Variants in SUGCT observed in about 807,000 individuals in gnomAD.
The protein encoded by SUGCT is succinyl-CoA:glutarate CoA-transferase.
SUGCT carries 41 observed loss-of-function variants against 55.0 expected under a neutral mutation model. The observed-to-expected ratio is 0.74, with a 90% CI of 0.58 to 0.97. The LOEUF (loss-of-function observed/expected upper bound fraction) is 0.97. Among genes scored for constraint, SUGCT ranks in the 50% least tolerant of loss-of-function variants. The probability of loss-of-function intolerance (pLI) is 0.00; values close to 1 mark genes in which losing one functional copy is unlikely to be tolerated. For synonymous variants in SUGCT, 187 were observed against 200.4 expected (o/e 0.93, Z 0.56); for missense variants, 568 against 547.8 (o/e 1.04, Z -0.37).
intron 12 of SUGCT, among the ~76,000 whole-genome samples, chr7:40,730,900 G>A (rs897140833): frequency 6.6e-6 from 1 of 152,146 alleles, no homozygotes; most frequent in South Asian, 2.1e-4. Flanking sequence ...GTATTCAATT[G>A]TATACACACA....
intron 1 of SUGCT, among the ~76,000 whole-genome samples, chr7:40,163,032 T>G (rs1784254444): frequency 6.6e-6 from 1 of 152,206 alleles, no homozygotes; most frequent in South Asian, 2.1e-4. Flanking sequence ...ATTTGAAATT[T>G]GTGGGCTCTA....
intron 12 of SUGCT, among the ~76,000 whole-genome samples, chr7:40,566,145 G>C (rs1796137226): frequency 6.6e-6 from 1 of 152,058 alleles, no homozygotes; most frequent in Admixed American, 6.6e-5. Context: ...TTAATCTTGA[G>C]TTCTTATCTT....
At chr7:40,962,262 T>C in the SUGCT span, among the ~76,000 whole-genome samples, 1 of 152,134 alleles carries the variant, frequency 6.6e-6, no homozygotes, top group East Asian at 1.9e-4. Context: ...GGTTGGTGCA[T>C]TTACAATCCT....
chr7:40,578,125 T>G (rs559408529), intron 12 of SUGCT, among the ~76,000 whole-genome samples: 1 of 152,146 alleles, frequency 6.6e-6, no homozygotes, highest in East Asian at 1.9e-4. Context: ...TAACACAGAT[T>G]GCGGGGCCTC....
At chr7:40,791,239 G>A (rs555333127) in intron 13 of SUGCT, among the ~76,000 whole-genome samples, 2 of 152,228 alleles carry the variant, frequency 1.3e-5, no homozygotes, top group East Asian at 1.9e-4. Flanking sequence ...TAAAATTAGT[G>A]TAACACAAAT....
intron 12 of SUGCT, among the ~76,000 whole-genome samples, chr7:40,699,681 C>T (rs1354081180): frequency 6.6e-6 from 1 of 152,022 alleles, no homozygotes; most frequent in Non-Finnish European, 1.5e-5. Flanking sequence ...CCAGCCTGGT[C>T]AATACGGTGA....
intron 1 of SUGCT, among the ~76,000 whole-genome samples, chr7:40,154,471 A>C (rs1417190834): frequency 6.6e-6 from 1 of 152,202 alleles, no homozygotes. Flanking sequence ...ATTTGGGTGT[A>C]GAACGTTTTA....
chr7:40,977,470 G>A, the SUGCT span, among the ~76,000 whole-genome samples: 1 of 152,142 alleles, frequency 6.6e-6, no homozygotes, highest in East Asian at 1.9e-4. Context: ...ACTTGTATGT[G>A]CTATCTCATT....
At chr7:40,614,232 A>T (rs1394051009) in intron 12 of SUGCT, among the ~76,000 whole-genome samples, 1 of 152,052 alleles carries the variant, frequency 6.6e-6, no homozygotes, top group African/African-American at 2.4e-5. Context: ...AAGAGGACAC[A>T]TTCTTGTGTG....
intron 12 of SUGCT, among the ~76,000 whole-genome samples, chr7:40,745,191 G>T (rs572425087): frequency 6.6e-6 from 1 of 152,006 alleles, no homozygotes; most frequent in Non-Finnish European, 1.5e-5. Flanking sequence ...ACCATTGATG[G>T]TATTACTTTG....
chr7:40,598,199 A>C (rs1038686916), intron 12 of SUGCT, among the ~76,000 whole-genome samples: 9 of 152,294 alleles, frequency 5.9e-5, no homozygotes, highest in African/African-American at 2.2e-4. Context: ...CTTAAAGCGC[A>C]GCAGTGTGAA....
chr7:40,913,266 C>T, the SUGCT span, among the ~76,000 whole-genome samples: 9 of 152,148 alleles, frequency 5.9e-5, no homozygotes, highest in Admixed American at 1.3e-4. Flanking sequence ...CAGTGGGGCT[C>T]AGGACATGGA....
intron 13 of SUGCT, among the ~76,000 whole-genome samples, chr7:40,838,709 T>C (rs1400639497): frequency 1.3e-5 from 2 of 152,196 alleles, no homozygotes; most frequent in African/African-American, 4.8e-5. Flanking sequence ...GACAATTTTA[T>C]TTCTTCCTTT....
the SUGCT span, among the ~76,000 whole-genome samples, chr7:41,013,971 G>A: frequency 6.6e-6 from 1 of 152,002 alleles, no homozygotes; most frequent in Non-Finnish European, 1.5e-5. Flanking sequence ...CACAAACCTG[G>A]GTTCACACAT....
At chr7:40,517,656 A>T (rs1389491889) in intron 12 of SUGCT, among the ~76,000 whole-genome samples, 1 of 152,038 alleles carries the variant, frequency 6.6e-6, no homozygotes, top group Non-Finnish European at 1.5e-5. Flanking sequence ...TGATGTTCTT[A>T]TTGAAATTTA....
intron 12 of SUGCT, among the ~76,000 whole-genome samples, chr7:40,726,193 G>A (rs1786603537): frequency 6.6e-6 from 1 of 152,006 alleles, no homozygotes; most frequent in African/African-American, 2.4e-5. Context: ...CCCAAATACT[G>A]TATTACTAGC....
rs182239165 is a variant in SUGCT, at chr7:40,860,714, G to A, written c.*235G>A. ...TTTTTTCAGATGATGATTTCATTATGGATTTGTGGGATTTTTAAAAATAAA... is the reference window on the plus strand; with the variant it reads ...TTTTTTCAGATGATGATTTCATTATAGATTTGTGGGATTTTTAAAAATAAA... On this transcript the variant is annotated 3_prime_UTR_variant, in exon 14 of 14. Transcript: ENST00000335693. 5.4e-6 allele frequency: 2 copies of A among 368,774 alleles called. No individual in the cohort carries two copies. The highest frequency in any genetic ancestry group is 2.1e-5 in the African/African-American group (1 of 47,948). The allele number at this position is 368,774 out of a possible 1,614,324, so 22.8% of individuals were successfully genotyped here.
At chr7:40,708,579 T>A (rs963782641) in intron 12 of SUGCT, among the ~76,000 whole-genome samples, 2 of 152,142 alleles carry the variant, frequency 1.3e-5, no homozygotes, top group Admixed American at 1.3e-4. Flanking sequence ...TTCTTGTGAA[T>A]ATGGGACCTG....
intron 13 of SUGCT, among the ~76,000 whole-genome samples, chr7:40,801,771 A>T (rs1167101515): frequency 6.6e-6 from 1 of 152,122 alleles, no homozygotes; most frequent in Admixed American, 6.6e-5. Flanking sequence ...ATGGGGGGAA[A>T]ATAACAACCC....
Sources: allele counts gnomAD v4.1 joint callset (sites outside exome capture counted in the v4.1 genomes callset), GRCh38; gene constraint gnomAD v4.1.1; transcripts MANE v1.5; gene names NCBI Gene and HGNC (gene_info 2026-07-23, HGNC 2026-07-21).